The following GRID2 variants were observed in gnomAD, a reference collection of about 807,000 sequenced individuals.
GRID2 encodes glutamate ionotropic receptor delta type subunit 2.
A neutral mutation model predicts 114.8 loss-of-function variants in GRID2; 33 were observed. The observed-to-expected ratio is 0.29, with a 90% CI of 0.22 to 0.38. The LOEUF (loss-of-function observed/expected upper bound fraction) is 0.38, where lower values mean the gene tolerates loss of function less well. GRID2 is among the 10% of genes least tolerant of loss of function. The probability of loss-of-function intolerance (pLI) is 1.00; values close to 1 mark genes in which losing one functional copy is unlikely to be tolerated. For synonymous variants in GRID2, 505 were observed against 449.9 expected, an observed-to-expected ratio of 1.12 and a Z score of -1.55; for missense variants, 1,184 against 1,257.7, an observed-to-expected ratio of 0.94 and a Z score of 0.89.
chr4:93,200,124 C>A lies in GRID2; in HGVS notation c.736-7280C>A, dbSNP rs147008466. Among the ~76,000 whole-genome samples, 515 of 152,308 alleles carry A rather than the reference C, an allele frequency of 3.4e-3. 6 individuals carry two copies. Among genetic ancestry groups the A allele is most frequent in the African/African-American group, 0.012 (490 of 41,566 alleles). ...GAACTGTAAATCCACAAAGCCCTTG[C>A]TAAAAATATATTATACACTATAAAC... On this transcript the variant is annotated intron_variant, in intron 4 of 15. Transcript: ENST00000282020.
At chr4:92,524,822 C>A (rs1235872611) in intron 1 of GRID2, among the ~76,000 whole-genome samples, 3 of 151,800 alleles carry the variant, frequency 2.0e-5, no homozygotes, top group Non-Finnish European at 4.4e-5. Flanking sequence ...CTTTGGGAAA[C>A]CAATGTCTTG....
At chr4:93,036,078 C>T (rs1724905639) in intron 2 of GRID2, among the ~76,000 whole-genome samples, 1 of 152,058 alleles carries the variant, frequency 6.6e-6, no homozygotes, top group Admixed American at 6.5e-5. Flanking sequence ...GGAGACGTCT[C>T]ACCTCTGGTT....
At chr4:93,488,594 CT>C (rs1726646771) in intron 11 of GRID2, among the ~76,000 whole-genome samples, 1 of 151,920 alleles carries the variant, frequency 6.6e-6, no homozygotes, top group Non-Finnish European at 1.5e-5. Context: ...AAACTAACTT[CT>C]TTTAGAAGGC....
At chr4:93,730,572 A>G (rs1292351519) in intron 14 of GRID2, among the ~76,000 whole-genome samples, 1 of 152,206 alleles carries the variant, frequency 6.6e-6, no homozygotes, top group Non-Finnish European at 1.5e-5. Context: ...CCCCAATCCC[A>G]TTGCACTTGC....
chr4:92,558,356 C>T (rs1579578898), intron 1 of GRID2, among the ~76,000 whole-genome samples: 1 of 152,086 alleles, frequency 6.6e-6, no homozygotes, highest in South Asian at 2.1e-4. Flanking sequence ...AGTACTATCC[C>T]ATTCACATTT....
intron 8 of GRID2, among the ~76,000 whole-genome samples, chr4:93,392,408 C>T (rs1228565881): frequency 6.6e-6 from 1 of 152,118 alleles, no homozygotes; most frequent in African/African-American, 2.4e-5. Flanking sequence ...AAACACTATG[C>T]CTGTCATTCT....
intron 1 of GRID2, among the ~76,000 whole-genome samples, chr4:92,311,974 G>GCC (rs1560561239): frequency 6.6e-6 from 1 of 152,032 alleles, no homozygotes; most frequent in African/African-American, 2.4e-5. Context: ...GAAGCAAAAT[G>GCC]AGGGAATGAA....
At chr4:92,810,751 T>A (rs988703707) in intron 2 of GRID2, among the ~76,000 whole-genome samples, 2 of 152,068 alleles carry the variant, frequency 1.3e-5, no homozygotes, top group Admixed American at 6.6e-5. Flanking sequence ...AAGGTTTTAA[T>A]TTTTTGCTTG....
At chr4:93,651,668 T>C (rs940961840) in intron 14 of GRID2, among the ~76,000 whole-genome samples, 3 of 152,182 alleles carry the variant, frequency 2.0e-5, no homozygotes, top group African/African-American at 7.2e-5. Flanking sequence ...GGAACATATA[T>C]ACTGAGACTG....
intron 14 of GRID2, among the ~76,000 whole-genome samples, chr4:93,666,785 G>A (rs1312058678): frequency 6.6e-6 from 1 of 151,998 alleles, no homozygotes; most frequent in Non-Finnish European, 1.5e-5. Context: ...TAATTAGGAT[G>A]AATTCATAAC....
chr4:92,722,550 A>T lies in GRID2; in HGVS notation c.244+132264A>T, dbSNP rs1735860573. On this transcript the variant is annotated intron_variant, in intron 2 of 15. Coordinates refer to ENST00000282020, the MANE Select transcript of GRID2 (RefSeq NM_001510.4). ...TTAAAGAAACATGACAAGGGGAAAGAGAAAAAGAAGATATTAACTAAGTGT... is the reference window on the plus strand; with the variant it reads ...TTAAAGAAACATGACAAGGGGAAAGTGAAAAAGAAGATATTAACTAAGTGT... Among the ~76,000 whole-genome samples, 3 of 152,282 alleles carry T rather than the reference A, an allele frequency of 2.0e-5. No individual in the cohort carries two copies. In the South Asian group the frequency reaches 6.2e-4, roughly 32 times the overall value.
chr4:93,452,890 CT>C lies in GRID2; in HGVS notation c.1546-2761del, dbSNP rs879554405. On this transcript the variant is annotated intron_variant, in intron 10 of 15. Transcript: ENST00000282020. ...TCTTTCTGAATTAGTGGTCCTTGGC[CT>C]TTTTTTTTTTATTATACTTTAAGTT... Among the ~76,000 whole-genome samples, 772 of 143,920 alleles carry C rather than the reference CT, an allele frequency of 5.4e-3. 3 individuals carry two copies. Among genetic ancestry groups the C allele is most frequent in the African/African-American group, 0.013 (503 of 39,542 alleles). 94.4% of individuals were successfully genotyped at this position (143,920 alleles called of 152,430 possible).
At chr4:93,695,248 A>T (rs971582559) in intron 14 of GRID2, among the ~76,000 whole-genome samples, 1 of 151,818 alleles carries the variant, frequency 6.6e-6, no homozygotes, top group Non-Finnish European at 1.5e-5. Flanking sequence ...CGTATTTTTC[A>T]TAGATAAGAC....
At chr4:93,628,596 T>A (rs971455293) in intron 14 of GRID2, among the ~76,000 whole-genome samples, 1 of 152,074 alleles carries the variant, frequency 6.6e-6, no homozygotes, top group African/African-American at 2.4e-5. Flanking sequence ...AAAAGCATAA[T>A]AGAATGAAAA....
chr4:93,260,075 C>G (rs1463131578), intron 8 of GRID2, among the ~76,000 whole-genome samples: 3 of 151,610 alleles, frequency 2.0e-5, no homozygotes, highest in African/African-American at 7.2e-5. Flanking sequence ...AATTATTCTA[C>G]CTTGAATTGT....
chr4:92,693,657 G>A (rs2149295112), intron 2 of GRID2, among the ~76,000 whole-genome samples: 1 of 152,280 alleles, frequency 6.6e-6, no homozygotes, highest in African/African-American at 2.4e-5. Flanking sequence ...TACAAATTGA[G>A]TGGAATTACA....
chr4:93,183,039 G>T (rs530977359), intron 4 of GRID2, among the ~76,000 whole-genome samples: 2 of 152,142 alleles, frequency 1.3e-5, no homozygotes, highest in African/African-American at 2.4e-5. Context: ...GCATTCACAG[G>T]TTCTTTTATT....
chr4:93,190,171 A>G (rs568222086), intron 4 of GRID2, among the ~76,000 whole-genome samples: 13 of 152,230 alleles, frequency 8.5e-5, no homozygotes, highest in African/African-American at 2.4e-4. Flanking sequence ...AAAGGGAACT[A>G]ACACTTTTGT....
chr4:93,272,401 C>T lies in GRID2; in HGVS notation c.1245+33911C>T, dbSNP rs186659792. 1.7e-3 allele frequency among the ~76,000 whole-genome samples: 254 copies of T among 152,236 alleles called. 2 individuals are homozygous for T. Among genetic ancestry groups the T allele is most frequent in the Middle Eastern group, 6.8e-3 (2 of 294 alleles). On this transcript the variant is annotated intron_variant, in intron 8 of 15. Transcript: ENST00000282020. ...GTATGTTATGTAGGCCATACTAGAG[C>T]TGGGCTGAGCAGAAGGGCCAGAGGT...
Sources: gnomAD v4.1 joint callset for allele counts (sites outside exome capture counted in the v4.1 genomes callset) on GRCh38, gnomAD v4.1.1 for gene constraint, MANE v1.5 for transcripts, NCBI Gene and HGNC (gene_info 2026-07-23, HGNC 2026-07-21) for gene names.